The following POGZ variants were observed in gnomAD, a reference collection of about 807,000 sequenced individuals.
The protein encoded by POGZ is pogo transposable element derived with ZNF domain, also known as pogo transposable element with ZNF domain.
Under a neutral mutation model 134.6 loss-of-function variants are expected in POGZ, and 17 were observed. That is an observed-to-expected ratio of 0.13 (90% CI 0.09 to 0.19). The LOEUF is 0.19. Among genes scored for constraint, POGZ ranks in the 10% least tolerant of loss-of-function variants. The pLI, the probability that POGZ is intolerant of heterozygous loss-of-function variation, is 1.00. For missense variants in POGZ, 1,306 were observed against 1,769.7 expected (o/e 0.74, Z 4.70); for synonymous variants, 693 against 657.1 (o/e 1.05, Z -0.84).
intron 3 of POGZ, among the ~76,000 whole-genome samples, chr1:151,440,189 T>C (rs1206918735): frequency 6.6e-6 from 1 of 151,818 alleles, no homozygotes; most frequent in Non-Finnish European, 1.5e-5. Flanking sequence ...TTTGTTCCTT[T>C]TTTTTTTCAC....
At chr1:151,438,278 T>A (rs1423007318) in intron 3 of POGZ, among the ~76,000 whole-genome samples, 3 of 152,118 alleles carry the variant, frequency 2.0e-5, no homozygotes, top group Non-Finnish European at 4.4e-5. Flanking sequence ...ATGTATTTTT[T>A]ATATAGATAT....
At chr1:151,436,723 T>C (rs752548460) in intron 3 of POGZ, among the ~76,000 whole-genome samples, 2 of 152,272 alleles carry the variant, frequency 1.3e-5, no homozygotes, top group Non-Finnish European at 2.9e-5. Flanking sequence ...ATTGTGTACA[T>C]ATATTACATT....
chr1:151,450,001 A>T (rs1661831240), intron 1 of POGZ, among the ~76,000 whole-genome samples: 1 of 149,722 alleles, frequency 6.7e-6, no homozygotes, highest in Admixed American at 6.7e-5. Context: ...TTCATCCTAT[A>T]ATCACCTACC....
intron 3 of POGZ, among the ~76,000 whole-genome samples, chr1:151,438,283 A>T (rs1488588713): frequency 6.6e-6 from 1 of 152,146 alleles, no homozygotes; most frequent in Non-Finnish European, 1.5e-5. Flanking sequence ...TTTTTTATAT[A>T]GATATATAAA....
intron 12 of POGZ, 83 bp from the exon 13 acceptor site, chr1:151,408,911 A>G (rs1571343167): frequency 3.5e-6 from 4 of 1,143,846 alleles, no homozygotes; most frequent in African/African-American, 3.1e-5. Flanking sequence ...AAGCAGATCA[A>G]TGTCAACCAT....
chr1:151,428,009 T>C lies in POGZ; in HGVS notation c.892A>G (p.Ile298Val). The change falls in exon 7 of 19, where the codon ATT becomes GTT. Residue 298 changes from isoleucine (I) to valine (V), a missense_variant. By Grantham distance (29) the Ile-to-Val change is conservative. Transcript: ENST00000271715. ...CGCTTCACAGTGACAAAGCTGGCAA[T>C]GCTCACTGCAGGTGGAGAGGGGAAG... ...PSFPSPPAVS[I>V]ASFVTVKRPG... The C allele has an allele frequency of 1.4e-5, 23 of 1,614,220 alleles. No homozygotes were observed. The highest frequency in any genetic ancestry group is 2.2e-5 in the East Asian group (1 of 44,886).
chr1:151,419,682 A>AAC (rs1656529127), intron 10 of POGZ, among the ~76,000 whole-genome samples: 1 of 145,424 alleles, frequency 6.9e-6, no homozygotes, highest in African/African-American at 2.7e-5. Flanking sequence ...AAAAAAAAAA[A>AAC]AAAAAAAAAA....
intron 3 of POGZ, among the ~76,000 whole-genome samples, chr1:151,440,467 T>A (rs1202491588): frequency 6.6e-6 from 1 of 152,084 alleles, no homozygotes; most frequent in African/African-American, 2.4e-5. Flanking sequence ...AAAACACTAG[T>A]CTTTCACCAT....
chr1:151,412,181 T>C (rs1252077144), intron 11 of POGZ, 115 bp downstream of exon 11: 18 of 615,508 alleles, frequency 2.9e-5, no homozygotes, highest in Non-Finnish European at 2.9e-6. Context: ...CTGTACCTAC[T>C]CAGAGTTCCT....
rs59153459 is a variant in POGZ at position 151,428,569 on chromosome 1, G to A, written c.569-156C>T. ...GATTCTAAAGACTAAGAAAGCACAA[G>A]GTGTCCATGTTGACAAAATAACCTG... is the stretch of plus-strand genomic sequence containing the variant. On this transcript the variant is annotated intron_variant, in intron 5 of 18. Coordinates refer to ENST00000271715, the MANE Select transcript of POGZ (RefSeq NM_015100.4). Among the ~76,000 whole-genome samples the A allele has an allele frequency of 0.15, 23,273 of 152,072 alleles. 3,993 individuals are homozygous for A. The highest frequency in any genetic ancestry group is 0.45 in the East Asian group (2,332 of 5,152).
intron 1 of POGZ, among the ~76,000 whole-genome samples, chr1:151,445,531 AAAAAAAAG>A (rs1472376458): frequency 8.6e-5 from 13 of 151,808 alleles, no homozygotes; most frequent in African/African-American, 2.2e-4. Flanking sequence ...TCAAAAAAAA[AAAAAAAAG>A]AAAAAAAGAA....
intron 1 of POGZ, among the ~76,000 whole-genome samples, chr1:151,448,809 G>A (rs1661622931): frequency 6.6e-6 from 1 of 152,118 alleles, no homozygotes; most frequent in Admixed American, 6.6e-5. Flanking sequence ...AGGCTGAAGT[G>A]AGCTGTGATC....
At chr1:151,434,920 T>C (rs1253591729) in intron 3 of POGZ, among the ~76,000 whole-genome samples, 4 of 151,614 alleles carry the variant, frequency 2.6e-5, no homozygotes, top group Admixed American at 2.6e-4. Context: ...TTCTTTTTTT[T>C]TTTCACAAGG....
chr1:151,458,913 G>A (rs1045845801), intron 1 of POGZ, among the ~76,000 whole-genome samples: 1 of 144,982 alleles, frequency 6.9e-6, no homozygotes, highest in Non-Finnish European at 1.5e-5. Flanking sequence ...CCGCGGCCCG[G>A]GGCGCACGCA....
At chr1:151,448,038 C>A (rs2102402402) in intron 1 of POGZ, among the ~76,000 whole-genome samples, 1 of 152,232 alleles carries the variant, frequency 6.6e-6, no homozygotes, top group East Asian at 1.9e-4. Context: ...CAATAAAAGG[C>A]TAGGGTCCTT....
At position 151,405,993 on chromosome 1, in the gene POGZ, C is replaced by T; in HGVS notation, c.3042G>A (p.Gln1014=). Residue 1014 remains glutamine, a synonymous_variant, in exon 19 of 19, where the codon CAG becomes CAA. Coordinates refer to ENST00000271715, the MANE Select transcript of POGZ (RefSeq NM_015100.4). The surrounding 1 kb of genome is among the most constrained non-coding windows in gnomAD (Gnocchi z 4.9). ...RRWLRRFQAS[Q]GENLEGKYLS... Reference sequence around the variant, plus strand: ...GATATTTGCCCTCTAGATTCTCCCCCTGGGAGGCCTGGAAACGTCGAAGCC... The same window carrying T: ...GATATTTGCCCTCTAGATTCTCCCCTTGGGAGGCCTGGAAACGTCGAAGCC... The T allele has an allele frequency of 6.2e-7, 1 of 1,614,220 alleles. No individual in the cohort carries two copies. The highest frequency in any genetic ancestry group is 8.5e-7 in the Non-Finnish European group (1 of 1,180,036).
chr1:151,423,819 G>C, intron 9 of POGZ, 130 bp downstream of exon 9: 1 of 724,216 alleles, frequency 1.4e-6, no homozygotes, highest in South Asian at 1.9e-5. Context: ...CCTAGTTATT[G>C]ATTTAATGAT....
At chr1:151,451,284 A>G (rs1288259283) in intron 1 of POGZ, among the ~76,000 whole-genome samples, 1 of 151,340 alleles carries the variant, frequency 6.6e-6, no homozygotes, top group East Asian at 2.0e-4. Flanking sequence ...ATTACTGACA[A>G]TAATATTTAA....
intron 5 of POGZ, among the ~76,000 whole-genome samples, chr1:151,429,070 A>AATAG: frequency 6.6e-6 from 1 of 152,222 alleles, no homozygotes; most frequent in East Asian, 1.9e-4. Flanking sequence ...ATACATGCTA[A>AATAG]ATAGAGCAAT....
Sources: gnomAD v4.1 joint callset for allele counts (sites outside exome capture counted in the v4.1 genomes callset) on GRCh38, gnomAD v4.1.1 for gene constraint, Gnocchi (gnomAD v3.1) non-coding constraint, MANE v1.5 for transcripts, NCBI Gene and HGNC (gene_info 2026-07-23, HGNC 2026-07-21) for gene names.